Variants in HERC2 observed in about 807,000 individuals in gnomAD.
HERC2 encodes the protein HECT and RLD domain containing E3 ubiquitin protein ligase 2.
In HERC2, 102 loss-of-function variants were observed where a neutral mutation model predicts 537.7. The observed-to-expected ratio is 0.19, with a 90% CI of 0.16 to 0.22. The LOEUF is 0.22. Ranked by LOEUF, HERC2 falls within the 10% of genes least tolerant of loss-of-function variation. HERC2 has a pLI of 1.00. For missense variants in HERC2, 4,236 were observed against 6,198.2 expected (o/e 0.68, Z 10.63); for synonymous variants, 2,224 against 2,466.2 (o/e 0.90, Z 2.91).
chr15:28,116,959 C>A (rs778127958), intron 87 of HERC2, 54 bp downstream of exon 87: 464 of 1,612,600 alleles, frequency 2.9e-4, no homozygotes, highest in Non-Finnish European at 3.7e-4. Flanking sequence ...TCCCTGTGGG[C>A]TCAGGCGACC....
rs1406534357 is a variant in HERC2, at chr15:28,301,729, GTATGTGTATATATATATATATATATA to G, written c.73-2239_73-2214del. Among the ~76,000 whole-genome samples, 59 of 37,908 alleles carry G rather than the reference GTATGTGTATATATATATATATATATA, an allele frequency of 1.6e-3. No homozygotes were observed. In the East Asian group the frequency reaches 0.09, roughly 58 times the overall value. The allele number at this position is 37,908 out of a possible 152,430, so 24.9% of individuals were successfully genotyped here. On this transcript the variant is annotated intron_variant, in intron 2 of 92. Coordinates refer to ENST00000261609, the MANE Select transcript of HERC2 (RefSeq NM_004667.6). ...TTCTGTGGATACACACTAGTTGTATGTATGTGTATATATATATATATATATATATATATATATATATATATATATAT... is the reference window on the plus strand; with the variant it reads ...TTCTGTGGATACACACTAGTTGTATGTATATATATATATATATATATATAT...
chr15:28,310,155 T>C (rs1282582763), intron 2 of HERC2, among the ~76,000 whole-genome samples: 1 of 152,164 alleles, frequency 6.6e-6, no homozygotes, highest in Non-Finnish European at 1.5e-5. Flanking sequence ...AATTGTAAAA[T>C]TAGCCAGAAA....
At chr15:28,164,037 G>A (rs931405140) in intron 68 of HERC2, among the ~76,000 whole-genome samples, 1 of 152,168 alleles carries the variant, frequency 6.6e-6, no homozygotes, top group Non-Finnish European at 1.5e-5. Flanking sequence ...CTGAGCTTGT[G>A]GAAACGGGAA....
Position 28,176,639 on chromosome 15 carries a change from A to C in HERC2, c.9515-40T>G, listed in dbSNP as rs200144914. On this transcript the variant is annotated intron_variant, in intron 62 of 92. Coordinates refer to ENST00000261609, the MANE Select transcript of HERC2 (RefSeq NM_004667.6). This position sits in a 1 kb window ranked among gnomAD's most constrained non-coding sequence, Gnocchi z 5.0. ...CACATATACTTCAGGCCAGCGTTTC[A>C]TATCATTCCTACCCACCCAGAAGCA... 2.5e-6 allele frequency: 4 copies of C among 1,613,982 alleles called. No individual in the cohort carries two copies. Among genetic ancestry groups the C allele is most frequent in the South Asian group, 1.1e-5 (1 of 91,068 alleles).
rs140760345 is a variant in HERC2 at position 28,149,342 on chromosome 15, A to G, written c.10901-2998T>C. On this transcript the variant is annotated intron_variant, in intron 70 of 92. Transcript: ENST00000261609. ...AAATGGCCACACCAACATACATTCT[A>G]GTAAAATTACCAAAAAAACACACGC... 2.9e-3 allele frequency among the ~76,000 whole-genome samples: 439 copies of G among 151,868 alleles called. 4 individuals carry two copies. The highest frequency in any genetic ancestry group is 9.9e-3 in the African/African-American group (410 of 41,378).
At chr15:28,150,962 C>T (rs986475196) in intron 70 of HERC2, among the ~76,000 whole-genome samples, 8 of 152,202 alleles carry the variant, frequency 5.3e-5, no homozygotes, top group Non-Finnish European at 7.3e-5. Flanking sequence ...GAGTCCACTT[C>T]AGACCCCACG....
At chr15:28,137,616 T>C (rs183210001) in intron 78 of HERC2, among the ~76,000 whole-genome samples, 15 of 152,360 alleles carry the variant, frequency 9.8e-5, no homozygotes, top group Admixed American at 8.5e-4. Context: ...TAGAAGACGG[T>C]GAACTTAAAC....
intron 4 of HERC2, among the ~76,000 whole-genome samples, chr15:28,283,380 G>A (rs1294275708): frequency 6.6e-6 from 1 of 152,168 alleles, no homozygotes; most frequent in African/African-American, 2.4e-5. Flanking sequence ...CAGAAACCAT[G>A]GAGCCCAGCT....
chr15:28,230,578 C>T lies in HERC2; in HGVS notation c.4676-78G>A, dbSNP rs113336457. ...TTAAATTAAGAAATACTTAGATTTA[C>T]ATGAAGGACAAATATCTCATTCAAA... On this transcript the variant is annotated intron_variant, in intron 30 of 92. Coordinates refer to ENST00000261609, the MANE Select transcript of HERC2 (RefSeq NM_004667.6). 7.0e-6 allele frequency: 7 copies of T among 1,002,980 alleles called. No homozygotes were observed. In the African/African-American group the frequency reaches 9.8e-5, roughly 14 times the overall value. The allele number at this position is 1,002,980 out of a possible 1,614,324, so 62.1% of individuals were successfully genotyped here.
chr15:28,254,191 G>A (rs2075178233), intron 20 of HERC2, 149 bp downstream of exon 20: 1 of 572,052 alleles, frequency 1.7e-6, no homozygotes, highest in Non-Finnish European at 3.0e-6. Flanking sequence ...GCTGAGGCAA[G>A]AGAATCACTT....
chr15:28,192,292 T>C lies in HERC2; in HGVS notation c.8261-141A>G, dbSNP rs1896925855. On this transcript the variant is annotated intron_variant, in intron 52 of 92. Coordinates refer to ENST00000261609, the MANE Select transcript of HERC2 (RefSeq NM_004667.6). ...GAAAGGAGTTAATAAATGCCACAAA[T>C]GGTTTCCCTAGTCAAGATATAGTTA... is the stretch of plus-strand genomic sequence containing the variant. The C allele has an allele frequency of 4.5e-6, 3 of 670,670 alleles. No homozygotes were observed. The South Asian group carries it at 6.3e-5, about 14-fold the overall frequency. The allele number at this position is 670,670 out of a possible 1,614,324, so 41.5% of individuals were successfully genotyped here.
At position 28,202,216 on chromosome 15, in the gene HERC2, T is replaced by C. The variant is rs763738275; in HGVS notation, c.7514A>G (p.His2505Arg). Residue 2505 changes from histidine (H) to arginine (R), a missense_variant, in exon 47 of 93, where the codon CAC becomes CGC. Transcript: ENST00000261609. ...VEALVGWLLD[H>R]SDIQVTELSD... ...GAGCTCCGTGACCTGTATGTCGGAG[T>C]GGTCCAGCAGCCACCCGACCAAGGC... 26 of 1,608,128 alleles carry C rather than the reference T, an allele frequency of 1.6e-5. No homozygotes were observed. In the South Asian group the frequency reaches 2.5e-4, roughly 16 times the overall value.
chr15:28,163,399 T>C, intron 68 of HERC2, 114 bp from the exon 69 acceptor site: 3 of 913,412 alleles, frequency 3.3e-6, no homozygotes, highest in Admixed American at 5.2e-5. Context: ...GTAAGAAACC[T>C]GAAGGTGTTT....
At chr15:28,308,664 C>T (rs925891461) in intron 2 of HERC2, among the ~76,000 whole-genome samples, 1 of 152,210 alleles carries the variant, frequency 6.6e-6, no homozygotes, top group Non-Finnish European at 1.5e-5. Flanking sequence ...TTTCACCATT[C>T]AGTATGATAC....
chr15:28,199,185 T>C (rs1383914235), intron 48 of HERC2, among the ~76,000 whole-genome samples: 1 of 151,734 alleles, frequency 6.6e-6, no homozygotes, highest in African/African-American at 2.4e-5. Context: ...CCAGAGTGCA[T>C]TCTAAGTATT....
At chr15:28,167,890 C>T in intron 67 of HERC2, 63 bp from the exon 68 acceptor site, 1 of 1,519,530 alleles carries the variant, frequency 6.6e-7, no homozygotes, top group South Asian at 1.2e-5. Flanking sequence ...TAACACATTT[C>T]CTATGCAAGT....
rs1305894169 is a variant in HERC2, at chr15:28,229,449, TAAC to T, written c.5120+8_5120+10del. The stretch of plus-strand genomic sequence containing the variant: ...TACCTTAATTAAGAAAAAAATATGC[TAAC>T]GTTTTACCCTATATCGATTCCCTCA... On this transcript the variant is annotated splice_region_variant and intron_variant, in intron 33 of 92. Coordinates refer to ENST00000261609, the MANE Select transcript of HERC2 (RefSeq NM_004667.6). 6 of 1,613,612 alleles carry T rather than the reference TAAC, an allele frequency of 3.7e-6. No individual in the cohort carries two copies. The highest frequency in any genetic ancestry group is 5.1e-6 in the Non-Finnish European group (6 of 1,179,636).
intron 2 of HERC2, among the ~76,000 whole-genome samples, chr15:28,300,779 T>C (rs2076598860): frequency 1.8e-5 from 2 of 114,158 alleles, no homozygotes; most frequent in African/African-American, 3.9e-5. Flanking sequence ...GCCGAGATTA[T>C]GTCACTGCGC....
At chr15:28,143,836 G>T (rs370937651) in intron 74 of HERC2, 37 bp downstream of exon 74, 25 of 1,612,834 alleles carry the variant, frequency 1.6e-5, no homozygotes, top group Non-Finnish European at 2.0e-5. Flanking sequence ...TTCCCCAAGG[G>T]TCACAAATCT....
Sources: allele counts gnomAD v4.1 joint callset (sites outside exome capture counted in the v4.1 genomes callset), GRCh38; gene constraint gnomAD v4.1.1; non-coding constraint Gnocchi (gnomAD v3.1); transcripts MANE v1.5; gene names NCBI Gene and HGNC (gene_info 2026-07-23, HGNC 2026-07-21).